SND1: variants seen among roughly 807,000 people sequenced by gnomAD.
The protein encoded by SND1 is staphylococcal nuclease domain-containing protein 1.
A neutral mutation model predicts 121.7 loss-of-function variants in SND1; 38 were observed. The observed-to-expected ratio is 0.31, with a 90% CI of 0.24 to 0.41. SND1 has a LOEUF of 0.41. Ranked by LOEUF, SND1 falls within the 10% of genes least tolerant of loss-of-function variation. SND1 has a pLI of 1.00. For synonymous variants in SND1, 401 were observed against 447.4 expected, an observed-to-expected ratio of 0.90 and a Z score of 1.31; for missense variants, 868 against 1,184.6, an observed-to-expected ratio of 0.73 and a Z score of 3.92.
chr7:127,981,722 T>G (rs1434870593), intron 15 of SND1, among the ~76,000 whole-genome samples: 1 of 152,214 alleles, frequency 6.6e-6, no homozygotes, highest in African/African-American at 2.4e-5. Flanking sequence ...GAAGCTGGTT[T>G]TGTACATTGC....
intron 15 of SND1, among the ~76,000 whole-genome samples, chr7:127,958,191 G>A (rs1378159120): frequency 6.6e-6 from 1 of 152,216 alleles, no homozygotes; most frequent in Non-Finnish European, 1.5e-5. Flanking sequence ...CAGCCATTGG[G>A]AGCTTCTTCC....
chr7:127,878,321 A>C (rs1412413081), intron 12 of SND1, among the ~76,000 whole-genome samples: 2 of 152,190 alleles, frequency 1.3e-5, no homozygotes, highest in Admixed American at 1.3e-4. Context: ...ACTAAAACTT[A>C]TTAGAGAGAT....
intron 12 of SND1, among the ~76,000 whole-genome samples, chr7:127,858,693 C>G (rs778725375): frequency 3.9e-5 from 6 of 152,184 alleles, no homozygotes; most frequent in Non-Finnish European, 8.8e-5. Flanking sequence ...TAGTGGAATT[C>G]CTCTTCCTGG....
In SND1 at chr7:128,064,437, G is replaced by A. The variant is rs1793280043; in HGVS notation, c.1780-10065G>A. On this transcript the variant is annotated intron_variant, in intron 16 of 23. Coordinates refer to ENST00000354725, the MANE Select transcript of SND1 (RefSeq NM_014390.4). ...GCAATAAGGATAAAAAAGAGGGGAA[G>A]AATCCAAGAGCCATTTCTGAGGTAG... is the stretch of plus-strand genomic sequence containing the variant. 3.9e-5 allele frequency among the ~76,000 whole-genome samples: 6 copies of A among 152,264 alleles called. No individual in the cohort carries two copies. The South Asian group carries it at 1.0e-3, about 26-fold the overall frequency.
intron 13 of SND1, among the ~76,000 whole-genome samples, chr7:127,898,637 T>C (rs1800165524): frequency 1.3e-5 from 2 of 152,178 alleles, no homozygotes; most frequent in African/African-American, 4.8e-5. Context: ...TTTTTACTCT[T>C]TGTTCTGCTT....
intron 15 of SND1, among the ~76,000 whole-genome samples, chr7:127,956,634 A>G (rs1801599569): frequency 6.6e-6 from 1 of 152,124 alleles, no homozygotes; most frequent in Admixed American, 6.5e-5. Context: ...AATGATTATT[A>G]TTGGCCTACT....
At chr7:127,850,527 A>G (rs1015656612) in intron 12 of SND1, among the ~76,000 whole-genome samples, 6 of 152,148 alleles carry the variant, frequency 3.9e-5, no homozygotes, top group African/African-American at 1.4e-4. Flanking sequence ...TTTTCCCCAC[A>G]GATTGATGAC....
At chr7:128,086,746 C>A in intron 20 of SND1, 192 bp from the exon 21 acceptor site, 1 of 625,550 alleles carries the variant, frequency 1.6e-6, no homozygotes. Flanking sequence ...TACTGCTGGA[C>A]CAGCAGGGCA....
chr7:127,719,103 A>T (rs1796444123), intron 9 of SND1, among the ~76,000 whole-genome samples: 1 of 152,092 alleles, frequency 6.6e-6, no homozygotes, highest in African/African-American at 2.4e-5. Flanking sequence ...AAATTAGGAT[A>T]CCACAATAGC....
chr7:127,822,757 A>G (rs1428147181), intron 11 of SND1, among the ~76,000 whole-genome samples: 2 of 152,200 alleles, frequency 1.3e-5, no homozygotes, highest in Admixed American at 6.5e-5. Flanking sequence ...GTAACCTGCA[A>G]TATGATGGTT....
intron 11 of SND1, among the ~76,000 whole-genome samples, chr7:127,838,749 A>G (rs1031355208): frequency 6.6e-6 from 1 of 152,192 alleles, no homozygotes; most frequent in Non-Finnish European, 1.5e-5. Flanking sequence ...TTTCTGCCTG[A>G]TGATTTCCAA....
Position 127,707,654 on chromosome 7 carries a change from C to G in SND1, c.1038+7C>G, listed in dbSNP as rs1236357256. The G allele has an allele frequency of 1.2e-6, 2 of 1,609,880 alleles. No individual in the cohort carries two copies. The highest frequency in any genetic ancestry group is 1.1e-5 in the South Asian group (1 of 90,956). Reference sequence around the variant, plus strand: ...CAAGCAGTTTGTTGCCAAGGTGAGTCATTCTCAGCATCTTGATATGCATAG... The same window carrying G: ...CAAGCAGTTTGTTGCCAAGGTGAGTGATTCTCAGCATCTTGATATGCATAG... On this transcript the variant is annotated splice_region_variant and intron_variant, in intron 9 of 23. Transcript: ENST00000354725.
chr7:127,796,890 C>CTTTTTTTTTTTTTTTTTTT, intron 10 of SND1, among the ~76,000 whole-genome samples: 1 of 102,088 alleles, frequency 9.8e-6, no homozygotes, highest in Non-Finnish European at 1.9e-5. Context: ...TTTCCTGAGT[C>CTTTTTTTTTTTTTTTTTTT]TTTTTTTTTT....
intron 16 of SND1, chr7:127,999,905 A>T (rs950450868): frequency 2.0e-5 from 3 of 152,158 alleles, no homozygotes; most frequent in Non-Finnish European, 2.9e-5. Context: ...AAATGTTATC[A>T]GGAGGAAGAG....
intron 15 of SND1, among the ~76,000 whole-genome samples, chr7:127,938,553 A>G (rs1271595806): frequency 6.6e-6 from 1 of 152,210 alleles, no homozygotes; most frequent in South Asian, 2.1e-4. Flanking sequence ...GATCTGCTAC[A>G]TTTTCTTTGG....
intron 6 of SND1, among the ~76,000 whole-genome samples, 197 bp downstream of exon 6, chr7:127,702,723 A>C (rs1299556437): frequency 6.6e-6 from 1 of 152,240 alleles, no homozygotes; most frequent in Non-Finnish European, 1.5e-5. Context: ...TTTTTAAAGT[A>C]TTCTGGGTCT....
chr7:127,739,813 A>G (rs959466967), intron 10 of SND1, among the ~76,000 whole-genome samples: 1 of 152,204 alleles, frequency 6.6e-6, no homozygotes, highest in African/African-American at 2.4e-5. Context: ...AAGGTGCTTC[A>G]GACATTCTTT....
At chr7:128,081,605 C>A (rs1455509106) in intron 18 of SND1, 104 bp downstream of exon 18, 3 of 1,368,224 alleles carry the variant, frequency 2.2e-6, no homozygotes, top group Non-Finnish European at 3.0e-6. Context: ...AATGCCTAGG[C>A]AGTCCAGGAG....
intron 9 of SND1, 64 bp downstream of exon 9, chr7:127,707,711 A>G: frequency 1.4e-6 from 2 of 1,381,096 alleles, no homozygotes; most frequent in Non-Finnish European, 2.1e-6. Context: ...TAATACAAGA[A>G]TTTGAACAAT....
Sources: gnomAD v4.1 joint callset for allele counts (sites outside exome capture counted in the v4.1 genomes callset) on GRCh38, gnomAD v4.1.1 for gene constraint, MANE v1.5 for transcripts, NCBI Gene and HGNC (gene_info 2026-07-23, HGNC 2026-07-21) for gene names.